LHFPL3: variants seen among roughly 807,000 people sequenced by gnomAD.
The protein encoded by LHFPL3 is LHFPL tetraspan subfamily member 3 protein.
In LHFPL3, 5 loss-of-function variants were observed where a neutral mutation model predicts 19.3. That is an observed-to-expected ratio of 0.26 (90% CI 0.14 to 0.54). The LOEUF is 0.54. Ranked by LOEUF, LHFPL3 falls within the 20% of genes least tolerant of loss-of-function variation. The pLI, the probability that LHFPL3 is intolerant of heterozygous loss-of-function variation, is 0.94. For missense variants in LHFPL3, 249 were observed against 307.4 expected, an observed-to-expected ratio of 0.81 and a Z score of 1.42; for synonymous variants, 133 against 126.2, an observed-to-expected ratio of 1.05 and a Z score of -0.36.
chr7:104,828,487 C>G (rs1790868428), intron 2 of LHFPL3, among the ~76,000 whole-genome samples: 1 of 151,950 alleles, frequency 6.6e-6, no homozygotes, highest in Non-Finnish European at 1.5e-5. Context: ...CCAAGAGACC[C>G]AGATGCCCAA....
intron 2 of LHFPL3, among the ~76,000 whole-genome samples, chr7:104,802,081 C>T (rs916010056): frequency 1.3e-5 from 2 of 152,084 alleles, no homozygotes; most frequent in Non-Finnish European, 2.9e-5. Flanking sequence ...TGCTGTCTCC[C>T]CAAAATTTTT....
chr7:104,542,284 G>A (rs1794500393), intron 1 of LHFPL3, among the ~76,000 whole-genome samples: 1 of 151,888 alleles, frequency 6.6e-6, no homozygotes, highest in Non-Finnish European at 1.5e-5. Context: ...ATTTAACTTT[G>A]ACTTTGTTTC....
chr7:104,328,737 G>A lies in LHFPL3; in HGVS notation c.-43G>A. The A allele has an allele frequency of 6.7e-7, 1 of 1,503,694 alleles. No homozygotes were observed. The highest frequency in any genetic ancestry group is 8.9e-7 in the Non-Finnish European group (1 of 1,120,836). The allele number at this position is 1,503,694 out of a possible 1,614,324, so 93.1% of individuals were successfully genotyped here. A position where few individuals can be genotyped will look rare whatever the true frequency, so the allele number is the denominator to read the frequency against. The stretch of plus-strand genomic sequence containing the variant: ...CCTGCGCGCTGAGAGGCGGGGGGAG[G>A]CGGAGGACCAGGAGGAGGAGGAGGA... On this transcript the variant is annotated 5_prime_UTR_variant, in exon 1 of 3. Transcript: ENST00000424859. The surrounding 1 kb of genome is among the most constrained non-coding windows in gnomAD (Gnocchi z 4.6).
chr7:104,555,789 T>C (rs1794752279), intron 1 of LHFPL3, among the ~76,000 whole-genome samples: 1 of 152,152 alleles, frequency 6.6e-6, no homozygotes, highest in South Asian at 2.1e-4. Flanking sequence ...ACATCTCACC[T>C]GAGACAAAGC....
intron 2 of LHFPL3, among the ~76,000 whole-genome samples, chr7:104,771,026 G>C (rs527534678): frequency 6.6e-6 from 1 of 152,120 alleles, no homozygotes; most frequent in Non-Finnish European, 1.5e-5. Flanking sequence ...ATATATTTAT[G>C]GATGAAAGAA....
At position 104,623,874 on chromosome 7, in the gene LHFPL3, C is replaced by G. The variant is rs140703468; in HGVS notation, c.446-112801C>G. On this transcript the variant is annotated intron_variant, in intron 1 of 2. Transcript: ENST00000424859. ...ACCCCAAACAATGCCATGTGCCACA[C>G]AAGCCCCACACAGATGAGTCCTGCC... is the stretch of plus-strand genomic sequence containing the variant. 4.1e-4 allele frequency among the ~76,000 whole-genome samples: 63 copies of G among 152,286 alleles called. No homozygotes were observed. The East Asian group carries it at 0.011, about 26-fold the overall frequency.
Position 104,489,606 on chromosome 7 carries a change from C to T in LHFPL3, c.445+160382C>T, listed in dbSNP as rs1034933650. Among the ~76,000 whole-genome samples the T allele has an allele frequency of 4.0e-4, 61 of 151,704 alleles. 1 individual carries two copies. The highest frequency in any genetic ancestry group is 1.4e-3 in the African/African-American group (59 of 41,316). On this transcript the variant is annotated intron_variant, in intron 1 of 2. Transcript: ENST00000424859. The stretch of plus-strand genomic sequence containing the variant: ...GGAACACAAGGTCCAAAGAACTGAC[C>T]TGCAGCCCTTTCAGATCCCCCTTGC...
intron 1 of LHFPL3, among the ~76,000 whole-genome samples, chr7:104,615,000 A>G (rs980073824): frequency 6.6e-6 from 1 of 151,920 alleles, no homozygotes; most frequent in African/African-American, 2.4e-5. Context: ...AGCAATCCAT[A>G]TGCTCTGGTC....
At chr7:104,584,140 G>A (rs1790517249) in intron 1 of LHFPL3, among the ~76,000 whole-genome samples, 1 of 152,020 alleles carries the variant, frequency 6.6e-6, no homozygotes, top group Admixed American at 6.6e-5. Context: ...AAAAAATGAT[G>A]AGTTCATGTC....
At chr7:104,494,709 T>C (rs1793423854) in intron 1 of LHFPL3, among the ~76,000 whole-genome samples, 1 of 152,122 alleles carries the variant, frequency 6.6e-6, no homozygotes, top group African/African-American at 2.4e-5. Context: ...TCTCCCTTCC[T>C]TGCTTGCACC....
intron 1 of LHFPL3, among the ~76,000 whole-genome samples, chr7:104,604,002 T>C (rs1056156044): frequency 2.6e-5 from 4 of 152,176 alleles, no homozygotes; most frequent in African/African-American, 4.8e-5. Context: ...ACAGTTCTCG[T>C]GTCTAAGGGG....
At chr7:104,375,168 G>T (rs536695777) in intron 1 of LHFPL3, among the ~76,000 whole-genome samples, 1 of 151,996 alleles carries the variant, frequency 6.6e-6, no homozygotes, top group Non-Finnish European at 1.5e-5. Flanking sequence ...GTGAAACCCC[G>T]TCTCTACTGA....
intron 2 of LHFPL3, among the ~76,000 whole-genome samples, chr7:104,823,102 A>G (rs1247989729): frequency 6.6e-6 from 1 of 152,194 alleles, no homozygotes; most frequent in Non-Finnish European, 1.5e-5. Flanking sequence ...ATGATCGTGT[A>G]TGCTATGGAA....
intron 1 of LHFPL3, among the ~76,000 whole-genome samples, chr7:104,645,762 G>A (rs6974634): frequency 0.095 from 13,163 of 138,478 alleles, 760 homozygotes; most frequent in Non-Finnish European, 0.13. Context: ...CCGGGTTCAC[G>A]CCATTCTCCT....
At chr7:104,387,159 A>C (rs1337550344) in intron 1 of LHFPL3, among the ~76,000 whole-genome samples, 10 of 152,192 alleles carry the variant, frequency 6.6e-5, no homozygotes, top group Admixed American at 6.6e-4. Flanking sequence ...CAAATAGAGG[A>C]CAGCAACAAA....
At chr7:104,871,022 G>A (rs1229683076) in intron 2 of LHFPL3, among the ~76,000 whole-genome samples, 1 of 152,172 alleles carries the variant, frequency 6.6e-6, no homozygotes, top group African/African-American at 2.4e-5. Context: ...GCACTTGACT[G>A]AGGGTCAACC....
chr7:104,882,750 G>A (rs1377961618), intron 2 of LHFPL3, among the ~76,000 whole-genome samples: 9 of 152,120 alleles, frequency 5.9e-5, no homozygotes, highest in Non-Finnish European at 2.9e-5. Context: ...TAAAATCACC[G>A]AATTGTATAC....
intron 1 of LHFPL3, chr7:104,669,625 T>C (rs1438163569): frequency 6.6e-7 from 1 of 1,523,386 alleles, no homozygotes; most frequent in Non-Finnish European, 9.1e-7. Flanking sequence ...CCCTGGAACA[T>C]TCGAGAGCAA....
At chr7:104,469,945 A>G (rs1792875017) in intron 1 of LHFPL3, 2 of 455,094 alleles carry the variant, frequency 4.4e-6, no homozygotes, top group Non-Finnish European at 8.8e-6. Context: ...TAGCACAATC[A>G]TAGAAAACTG....
Sources: allele counts gnomAD v4.1 joint callset (sites outside exome capture counted in the v4.1 genomes callset), GRCh38; gene constraint gnomAD v4.1.1; non-coding constraint Gnocchi (gnomAD v3.1); transcripts MANE v1.5; gene names NCBI Gene and HGNC (gene_info 2026-07-23, HGNC 2026-07-21).